Variants in ASNS observed in about 807,000 individuals in gnomAD.
The protein encoded by ASNS is asparagine synthetase (glutamine-hydrolyzing), also known as asparagine synthetase [glutamine-hydrolyzing].
In ASNS, 37 loss-of-function variants were observed where a neutral mutation model predicts 62.6. The ratio of observed to expected loss-of-function variants is 0.59; its 90% CI spans 0.45 to 0.78. ASNS has a LOEUF of 0.78. Ranked by LOEUF, ASNS falls within the 30% of genes least tolerant of loss-of-function variation. ASNS has a pLI of 0.00. For missense variants in ASNS, 520 were observed against 682.4 expected, an observed-to-expected ratio of 0.76 and a Z score of 2.65; for synonymous variants, 207 against 237.9, an observed-to-expected ratio of 0.87 and a Z score of 1.19.
upstream of ASNS, among the ~76,000 whole-genome samples, chr7:97,876,255 G>A (rs1456840598): frequency 6.6e-6 from 1 of 152,140 alleles, no homozygotes; most frequent in African/African-American, 2.4e-5. Flanking sequence ...TGAGTTTGCT[G>A]GTATTCCTGT....
intron 10 of ASNS, 35 bp from the exon 11 acceptor site, chr7:97,853,421 TG>T: frequency 6.3e-7 from 1 of 1,577,790 alleles, no homozygotes; most frequent in Non-Finnish European, 8.7e-7. Flanking sequence ...TAAATTAAAA[TG>T]GGTATTTAGT....
chr7:97,892,816 A>C, the ASNS span, among the ~76,000 whole-genome samples: 2 of 152,222 alleles, frequency 1.3e-5, no homozygotes, highest in Non-Finnish European at 2.9e-5. Context: ...CATTTTGGGC[A>C]AGTCTCTAGG....
the ASNS span, among the ~76,000 whole-genome samples, chr7:97,896,737 CACACATATATATATATATAT>C: frequency 3.3e-5 from 1 of 30,496 alleles, no homozygotes; most frequent in Non-Finnish European, 7.9e-5. Flanking sequence ...CACACACACA[CACACATATATATATATATAT>C]ATATATATAT....
chr7:97,922,709 A>C, the ASNS span, among the ~76,000 whole-genome samples: 136,628 of 152,218 alleles, frequency 0.9, 61,391 homozygotes, highest in African/African-American at 0.93. Flanking sequence ...TTTGTCAATT[A>C]AATAAATTCA....
chr7:97,895,385 T>C, the ASNS span, among the ~76,000 whole-genome samples: 2 of 152,342 alleles, frequency 1.3e-5, no homozygotes, highest in Non-Finnish European at 2.9e-5. Context: ...TCAGACAAGA[T>C]AAAGAAATAA....
Position 97,855,419 on chromosome 7 carries a change from A to G in ASNS, c.1071T>C (p.Asp357=). The G allele has an allele frequency of 6.2e-7, 1 of 1,612,616 alleles. No homozygotes were observed. The highest frequency in any genetic ancestry group is 8.5e-7 in the Non-Finnish European group (1 of 1,179,718). ...CTTCTCCAGAGAAGATCACCACGCT[A>G]TCTGTGTTCTTCCGAATATACTTGG... The part of the protein sequence containing the change: ...LISKYIRKNT[D]SVVIFSGEGS... The change falls in exon 9 of 13, where the codon GAT becomes GAC. Residue 357 remains aspartate, a synonymous_variant. Coordinates refer to ENST00000394308, the MANE Select transcript of ASNS (RefSeq NM_001673.5).
chr7:97,875,861 AT>A (rs34906277), upstream of ASNS, among the ~76,000 whole-genome samples: 280 of 148,624 alleles, frequency 1.9e-3, 3 homozygotes, highest in African/African-American at 5.7e-3. Flanking sequence ...TTATTAGGCA[AT>A]TTTTTTTTTT....
rs543108607 is a variant in ASNS, at chr7:97,855,995, C to T, written c.1031-536G>A. On this transcript the variant is annotated intron_variant, in intron 8 of 12. Transcript: ENST00000394308. ...CTCAACCTTGTTTTTATTATCACCTCAGCTAGAGAGCCTTTTTAGACACTT... is the reference window on the plus strand; with the variant it reads ...CTCAACCTTGTTTTTATTATCACCTTAGCTAGAGAGCCTTTTTAGACACTT... 8.5e-5 allele frequency among the ~76,000 whole-genome samples: 13 copies of T among 152,322 alleles called. 1 individual carries two copies. Among genetic ancestry groups the T allele is most frequent in the African/African-American group, 3.1e-4 (13 of 41,562 alleles).
intron 3 of ASNS, among the ~76,000 whole-genome samples, chr7:97,866,709 T>A (rs1399783470): frequency 6.6e-6 from 1 of 152,210 alleles, no homozygotes; most frequent in Non-Finnish European, 1.5e-5. Flanking sequence ...GACCCATAAA[T>A]ATGCTTCACA....
chr7:97,861,023 C>CTCT (rs545704343), intron 4 of ASNS, among the ~76,000 whole-genome samples: 1 of 120,702 alleles, frequency 8.3e-6, no homozygotes, highest in African/African-American at 3.3e-5. Flanking sequence ...TCATTTGATC[C>CTCT]TTTTTTTTTT....
At chr7:97,895,300 G>A in the ASNS span, among the ~76,000 whole-genome samples, 1 of 152,190 alleles carries the variant, frequency 6.6e-6, no homozygotes, top group Admixed American at 6.5e-5. Flanking sequence ...TTTCCTCTAA[G>A]AACTGGAACA....
the ASNS span, among the ~76,000 whole-genome samples, chr7:97,893,394 T>C: frequency 6.6e-6 from 1 of 152,240 alleles, no homozygotes; most frequent in Non-Finnish European, 1.5e-5. Context: ...CTATCAATAA[T>C]AACTTCGAAT....
At chr7:97,925,896 T>C in the ASNS span, among the ~76,000 whole-genome samples, 1 of 152,138 alleles carries the variant, frequency 6.6e-6, no homozygotes, top group African/African-American at 2.4e-5. Flanking sequence ...GGAAGAGCTG[T>C]TGGTCAGACA....
chr7:97,852,584 C>T, intron 12 of ASNS, 116 bp from the exon 13 acceptor site: 1 of 970,984 alleles, frequency 1.0e-6, no homozygotes, highest in Admixed American at 1.9e-5. Flanking sequence ...GTATGAGACC[C>T]TTTGAATCAC....
chr7:97,900,359 T>TAAAAAAAAAAAAA, the ASNS span, among the ~76,000 whole-genome samples: 3 of 58,382 alleles, frequency 5.1e-5, no homozygotes, highest in Admixed American at 1.6e-4. Context: ...AGACTTTGTC[T>TAAAAAAAAAAAAA]CAAAAAAAAA....
chr7:97,886,942 A>G, the ASNS span, among the ~76,000 whole-genome samples: 44 of 152,360 alleles, frequency 2.9e-4, no homozygotes, highest in African/African-American at 9.6e-4. Flanking sequence ...TGCCCCCCAC[A>G]TAGACACAGC....
chr7:97,874,467 A>G (rs1792398682), upstream of ASNS, among the ~76,000 whole-genome samples: 1 of 152,260 alleles, frequency 6.6e-6, no homozygotes. Flanking sequence ...AATGACAGGC[A>G]TAGGAAATCA....
the ASNS span, among the ~76,000 whole-genome samples, chr7:97,880,312 C>T: frequency 1.3e-5 from 2 of 152,004 alleles, no homozygotes; most frequent in Non-Finnish European, 2.9e-5. Flanking sequence ...TTGGTAGAGA[C>T]GGGGTTTACT....
At chr7:97,923,871 C>T in the ASNS span, among the ~76,000 whole-genome samples, 2 of 152,236 alleles carry the variant, frequency 1.3e-5, no homozygotes, top group African/African-American at 2.4e-5. Context: ...CACATCAACA[C>T]CGTCATGTGA....
Sources: gnomAD v4.1 joint callset for allele counts (sites outside exome capture counted in the v4.1 genomes callset) on GRCh38, gnomAD v4.1.1 for gene constraint, MANE v1.5 for transcripts, NCBI Gene and HGNC (gene_info 2026-07-23, HGNC 2026-07-21) for gene names.